Variants in CNTRL observed in about 807,000 individuals in gnomAD.
CNTRL encodes centriolin, also known as 110 kDa centrosomal protein.
Under a neutral mutation model 303.7 loss-of-function variants are expected in CNTRL, and 233 were observed. The ratio of observed to expected loss-of-function variants is 0.77; its 90% CI spans 0.69 to 0.86. CNTRL has a LOEUF of 0.86. CNTRL is among the 40% of genes least tolerant of loss of function. The pLI is 0.00. For missense variants in CNTRL, 2,524 were observed against 2,650.6 expected (o/e 0.95, Z 1.05); for synonymous variants, 900 against 922.2 (o/e 0.98, Z 0.44).
At position 121,177,513 on chromosome 9, in the gene CNTRL, AAG is replaced by A; in HGVS notation, c.*329_*330del. 2 of 290,154 alleles carry A rather than the reference AAG, an allele frequency of 6.9e-6. No homozygotes were observed. Among genetic ancestry groups the A allele is most frequent in the Admixed American group, 5.2e-5 (1 of 19,230 alleles). 18.0% of individuals were successfully genotyped at this position (290,154 alleles called of 1,614,324 possible). On this transcript the variant is annotated 3_prime_UTR_variant, in exon 44 of 44. Transcript: ENST00000373855. ...CAAACTGGTAAATCTTATTAACAAA[AAG>A]AATGTACTTAAGGCCCTCTTTATTT...
At position 121,145,286 on chromosome 9, in the gene CNTRL, A is replaced by C. The variant is rs760166447; in HGVS notation, c.3211A>C (p.Asn1071His). Residue 1071 changes from asparagine to histidine, a missense_variant, in exon 22 of 44, where the codon AAC becomes CAC. Transcript: ENST00000373855. The part of the protein sequence containing the change: ...MEKTGVGTGA[N>H]SQVLEIEKLN... ...GAAAACAGGTGTAGGTACTGGAGCAAACTCACAGGTCCTAGAAATTGAGAA... is the reference window on the plus strand; with the variant it reads ...GAAAACAGGTGTAGGTACTGGAGCACACTCACAGGTCCTAGAAATTGAGAA... The C allele has an allele frequency of 2.7e-4, 428 of 1,613,840 alleles. 2 individuals are homozygous for C. Among genetic ancestry groups the C allele is most frequent in the Non-Finnish European group, 3.6e-4 (422 of 1,179,924 alleles).
chr9:121,158,595 G>T, intron 30 of CNTRL: 1 of 353,444 alleles, frequency 2.8e-6, no homozygotes, highest in Non-Finnish European at 5.1e-6. Context: ...AAAAGTTCTT[G>T]GAAAACTGTA....
Position 121,142,290 on chromosome 9 carries a change from T to G in CNTRL, c.2871+20T>G. The G allele has an allele frequency of 6.3e-7, 1 of 1,586,594 alleles. No homozygotes were observed. Among genetic ancestry groups the G allele is most frequent in the Non-Finnish European group, 8.6e-7 (1 of 1,169,564 alleles). ...AAAAAGGTAGGGGAGACTTAGAAAA[T>G]GAGACACATAAGTACCTGCTGCCAG... On this transcript the variant is annotated intron_variant, in intron 19 of 43. Transcript: ENST00000373855.
At chr9:121,106,370 G>GGA (rs1392630690) in intron 7 of CNTRL, among the ~76,000 whole-genome samples, 1 of 151,720 alleles carries the variant, frequency 6.6e-6, no homozygotes, top group Admixed American at 6.6e-5. Flanking sequence ...AAAGCAAAGT[G>GGA]GAGAAACAAG....
intron 4 of CNTRL, among the ~76,000 whole-genome samples, chr9:121,094,018 G>A (rs1230294045): frequency 6.6e-6 from 1 of 152,122 alleles, no homozygotes; most frequent in African/African-American, 2.4e-5. Flanking sequence ...GCTGAGGCAG[G>A]AGAATCGCTT....
chr9:121,124,711 G>T (rs2050409248), intron 13 of CNTRL, among the ~76,000 whole-genome samples: 1 of 150,312 alleles, frequency 6.7e-6, no homozygotes, highest in South Asian at 2.1e-4. Context: ...GCTGAGGCGG[G>T]CATATCATTT....
chr9:121,138,429 G>A, intron 15 of CNTRL, 116 bp from the exon 16 acceptor site: 1 of 1,069,696 alleles, frequency 9.3e-7, no homozygotes, highest in Non-Finnish European at 1.3e-6. Context: ...ATAAAATTGA[G>A]TTGTAAAACT....
chr9:121,079,831 T>G (rs2048070419), intron 1 of CNTRL, among the ~76,000 whole-genome samples: 1 of 152,148 alleles, frequency 6.6e-6, no homozygotes. Flanking sequence ...ATCCTTTCTT[T>G]GTATAAAATT....
At chr9:121,102,433 C>A (rs764342780) in intron 7 of CNTRL, among the ~76,000 whole-genome samples, 4 of 152,092 alleles carry the variant, frequency 2.6e-5, no homozygotes, top group African/African-American at 4.8e-5. Context: ...AAACCCACAG[C>A]CAATATCATA....
Position 121,107,945 on chromosome 9 carries a change from A to G in CNTRL, c.952A>G (p.Lys318Glu). The G allele has an allele frequency of 6.2e-7, 1 of 1,603,588 alleles. No homozygotes were observed. Among genetic ancestry groups the G allele is most frequent in the Admixed American group, 1.8e-5 (1 of 56,552 alleles). ...ATTAAAAGAGGAGGCCATGTTACAG[A>G]AACAGAGCTGTGAGGAACTCAAGAG... is the stretch of plus-strand genomic sequence containing the variant. The part of the protein sequence containing the change: ...KSLKEEAMLQ[K>E]QSCEELKSDL... The change falls in exon 8 of 44, where the codon AAA becomes GAA. Residue 318 changes from lysine (K) to glutamate (E), a missense_variant. By Grantham distance (56) the Lys-to-Glu change is moderately conservative (BLOSUM62 1). Coordinates refer to ENST00000373855, the MANE Select transcript of CNTRL (RefSeq NM_007018.6).
intron 6 of CNTRL, among the ~76,000 whole-genome samples, chr9:121,097,715 C>T (rs1176108105): frequency 5.9e-5 from 9 of 152,080 alleles, no homozygotes; most frequent in Non-Finnish European, 1.3e-4. Flanking sequence ...AGTAGTTGAT[C>T]CTTAGATAGT....
At chr9:121,095,097 T>G in intron 5 of CNTRL, 79 bp downstream of exon 5, 1 of 1,056,312 alleles carries the variant, frequency 9.5e-7, no homozygotes, top group Non-Finnish European at 1.4e-6. Context: ...TCCACATTAC[T>G]GAAAGAATGA....
In CNTRL at chr9:121,138,542, CAGTT is replaced by C. The variant is rs1564258014; in HGVS notation, c.2203_2206del (p.Leu735AsnfsTer50). ...TTCATGTCATTGCTTCCTATGGTGACAGTTAGAACAATCAGCCCTTCAAGCAGAA... is the reference window on the plus strand; with the variant it reads ...TTCATGTCATTGCTTCCTATGGTGACAGAACAATCAGCCCTTCAAGCAGAA... On this transcript the variant is annotated splice_acceptor_variant and coding_sequence_variant, in exon 16 of 44. Coordinates refer to ENST00000373855, the MANE Select transcript of CNTRL (RefSeq NM_007018.6). LOFTEE classifies it high-confidence loss of function. 8 of 1,612,918 alleles carry C rather than the reference CAGTT, an allele frequency of 5.0e-6. No homozygotes were observed. The highest frequency in any genetic ancestry group is 1.3e-5 in the African/African-American group (1 of 74,952).
intron 27 of CNTRL, among the ~76,000 whole-genome samples, chr9:121,156,124 GAT>G (rs973534011): frequency 9.9e-5 from 15 of 151,466 alleles, no homozygotes; most frequent in South Asian, 4.2e-4. Flanking sequence ...TATATAATAA[GAT>G]ATTTTGATAA....
chr9:121,130,938 G>A (rs970549343), intron 14 of CNTRL, among the ~76,000 whole-genome samples: 1 of 152,170 alleles, frequency 6.6e-6, no homozygotes, highest in Non-Finnish European at 1.5e-5. Flanking sequence ...TGGTTGAGTG[G>A]TTTTGAGTGA....
Position 121,094,944 on chromosome 9 carries a change from T to A in CNTRL, c.405T>A (p.Asn135Lys). The change falls in exon 5 of 44, where the codon AAT becomes AAA. Residue 135 changes from asparagine (N) to lysine (K), a missense_variant. Transcript: ENST00000373855. ...VKLEVLNLSYNLIGKIEKLDK... is the reference protein window; with the variant it reads ...VKLEVLNLSYKLIGKIEKLDK... The stretch of plus-strand genomic sequence containing the variant: ...TTGAAGTACTGAATCTCAGCTATAA[T>A]CTAATAGGGAAGATTGAAAAGTTGG... The A allele has an allele frequency of 6.3e-7, 1 of 1,597,738 alleles. No homozygotes were observed. The highest frequency in any genetic ancestry group is 1.3e-5 in the African/African-American group (1 of 74,536).
rs906393408 is a variant in CNTRL at position 121,095,004 on chromosome 9, A to G, written c.465A>G (p.Ser155=). Residue 155 remains serine, a synonymous_variant, in exon 5 of 44, where the codon TCA becomes TCG. Coordinates refer to ENST00000373855, the MANE Select transcript of CNTRL (RefSeq NM_007018.6). The part of the protein sequence containing the change: ...KLLKLRELNL[S]YNKISKIEGI... The stretch of plus-strand genomic sequence containing the variant: ...TAAAATTACGTGAACTCAACTTATC[A>G]TATAACAAAATCAGGTGAGTTATAT... 5 of 1,601,478 alleles carry G rather than the reference A, an allele frequency of 3.1e-6. No individual in the cohort carries two copies. The African/African-American group carries it at 4.0e-5, about 13-fold the overall frequency.
intron 12 of CNTRL, among the ~76,000 whole-genome samples, chr9:121,119,084 G>A (rs1224185829): frequency 8.1e-6 from 1 of 122,876 alleles, no homozygotes; most frequent in Admixed American, 7.7e-5. Flanking sequence ...AAATATATGT[G>A]TGTGTGTGTG....
chr9:121,103,081 G>A (rs1351014198), intron 7 of CNTRL, among the ~76,000 whole-genome samples: 2 of 152,158 alleles, frequency 1.3e-5, no homozygotes, highest in Non-Finnish European at 2.9e-5. Context: ...AAAAGAGCCT[G>A]CATTGCCAAG....
Sources: allele counts gnomAD v4.1 joint callset (sites outside exome capture counted in the v4.1 genomes callset), GRCh38; gene constraint gnomAD v4.1.1; transcripts MANE v1.5; gene names NCBI Gene and HGNC (gene_info 2026-07-23, HGNC 2026-07-21).